ADAMTS16: variants seen among roughly 807,000 people sequenced by gnomAD.
The protein encoded by ADAMTS16 is A disintegrin and metalloproteinase with thrombospondin motifs 16.
ADAMTS16 carries 94 observed loss-of-function variants against 145.8 expected under a neutral mutation model. That is an observed-to-expected ratio of 0.64 (90% CI 0.55 to 0.77). ADAMTS16 has a LOEUF of 0.77. Ranked by LOEUF, ADAMTS16 falls within the 30% of genes least tolerant of loss-of-function variation. ADAMTS16 has a pLI of 0.00. For synonymous variants in ADAMTS16, 659 were observed against 604.3 expected (o/e 1.09, Z -1.33); for missense variants, 1,585 against 1,591.5 (o/e 1.00, Z 0.07).
chr5:5,311,311 A>C (rs555389325), intron 21 of ADAMTS16, among the ~76,000 whole-genome samples: 1,883 of 99,548 alleles, frequency 0.019, 52 homozygotes, highest in African/African-American at 0.066. Context: ...AAAAAAAAAA[A>C]AAAAAACAAA....
intron 18 of ADAMTS16, among the ~76,000 whole-genome samples, chr5:5,297,472 A>G (rs1739590727): frequency 6.6e-6 from 1 of 152,012 alleles, no homozygotes; most frequent in Non-Finnish European, 1.5e-5. Context: ...TGCAGAGGAA[A>G]CCCTCAGATG....
chr5:5,305,541 TACACAC>T (rs113675807), intron 20 of ADAMTS16, among the ~76,000 whole-genome samples: 1 of 115,528 alleles, frequency 8.7e-6, no homozygotes, highest in Non-Finnish European at 1.9e-5. Context: ...TCCCACACCA[TACACAC>T]ACACACACAC....
chr5:5,319,234 A>G lies in ADAMTS16; in HGVS notation c.*96A>G, dbSNP rs567034699. ...ATCTACGTCGGAATACATCCAAGGA[A>G]GAGCAAAGCCAAAAGAAGAAAACCG... On this transcript the variant is annotated 3_prime_UTR_variant, in exon 23 of 23. Coordinates refer to ENST00000274181, the MANE Select transcript of ADAMTS16 (RefSeq NM_139056.4). 6.6e-6 allele frequency: 6 copies of G among 909,874 alleles called. No individual in the cohort carries two copies. In the East Asian group the frequency reaches 1.6e-4, roughly 24 times the overall value. 56.4% of individuals were successfully genotyped at this position (909,874 alleles called of 1,614,324 possible).
intron 11 of ADAMTS16, 57 bp downstream of exon 11, chr5:5,222,941 G>A: frequency 2.0e-6 from 3 of 1,512,146 alleles, no homozygotes; most frequent in Non-Finnish European, 2.8e-6. Flanking sequence ...TTCAACCCAT[G>A]CATCTTTGCT....
At chr5:5,200,888 G>C (rs781542322) in intron 9 of ADAMTS16, among the ~76,000 whole-genome samples, 9 of 152,028 alleles carry the variant, frequency 5.9e-5, no homozygotes, top group Non-Finnish European at 8.8e-5. Flanking sequence ...GGGGAGGTAG[G>C]GTTTGATCCT....
At chr5:5,297,868 TC>T (rs1479368987) in intron 18 of ADAMTS16, among the ~76,000 whole-genome samples, 6 of 152,214 alleles carry the variant, frequency 3.9e-5, no homozygotes, top group Non-Finnish European at 8.8e-5. Context: ...TGTAAATCTC[TC>T]CTTGGGTTTC....
intron 8 of ADAMTS16, among the ~76,000 whole-genome samples, chr5:5,196,036 G>A (rs556424869): frequency 2.6e-5 from 4 of 152,116 alleles, no homozygotes; most frequent in Admixed American, 6.5e-5. Flanking sequence ...GACCAGCCTG[G>A]CCAAGATGGC....
chr5:5,258,146 T>A (rs1446828444), intron 17 of ADAMTS16, among the ~76,000 whole-genome samples: 2 of 152,160 alleles, frequency 1.3e-5, no homozygotes, highest in Non-Finnish European at 2.9e-5. Flanking sequence ...TTGAATGACA[T>A]CGGAATGATT....
chr5:5,244,078 T>C (rs183369076), intron 17 of ADAMTS16, among the ~76,000 whole-genome samples: 48 of 152,344 alleles, frequency 3.2e-4, no homozygotes, highest in Admixed American at 3.0e-3. Flanking sequence ...TCCCACATTC[T>C]GTAGGATAAT....
In ADAMTS16 at chr5:5,320,083, A is replaced by AT; in HGVS notation, c.*945_*946insT. 4.2e-6 allele frequency: 1 copy of AT among 238,926 alleles called. No homozygotes were observed. The allele number at this position is 238,926 out of a possible 1,614,324, so 14.8% of individuals were successfully genotyped here. On this transcript the variant is annotated 3_prime_UTR_variant, in exon 23 of 23. Coordinates refer to ENST00000274181, the MANE Select transcript of ADAMTS16 (RefSeq NM_139056.4). This position sits in a 1 kb window ranked among gnomAD's most constrained non-coding sequence, Gnocchi z 5.1. ...TTGTTTTTGTGTGTTGTGAGATTTT[A>AT]ATCTTTTTTTTTTCGGTGAGTCTGG... is the stretch of plus-strand genomic sequence containing the variant.
At chr5:5,166,243 TCACACACACA>T (rs141620778) in intron 3 of ADAMTS16, among the ~76,000 whole-genome samples, 1 of 149,556 alleles carries the variant, frequency 6.7e-6, no homozygotes, top group African/African-American at 2.5e-5. Flanking sequence ...CCACTCACCA[TCACACACACA>T]CACACACACA....
rs1734292555 is a variant in ADAMTS16, at chr5:5,146,262, G to GC, written c.309dup (p.Ser104LeufsTer31). On this transcript the variant is annotated frameshift_variant, in exon 3 of 23. Transcript: ENST00000274181. LOFTEE classifies it high-confidence loss of function. ...GAGTCTCTTCACCTTCGGCTGAAAG[G>GC]CTCCAGGCACGACTTCCACATGGAT... 6.2e-7 allele frequency: 1 copy of GC among 1,614,184 alleles called. No homozygotes were observed. The highest frequency in any genetic ancestry group is 8.5e-7 in the Non-Finnish European group (1 of 1,180,032).
At chr5:5,168,085 G>A (rs894460945) in intron 3 of ADAMTS16, among the ~76,000 whole-genome samples, 8 of 152,082 alleles carry the variant, frequency 5.3e-5, no homozygotes, top group East Asian at 1.9e-4. Context: ...ATTGAAAAGC[G>A]TAACAAATAT....
Position 5,237,070 on chromosome 5 carries a change from C to G in ADAMTS16, c.2125C>G (p.Arg709Gly), listed in dbSNP as rs1224232723. The change falls in exon 14 of 23, where the codon CGT (arginine) becomes GGT (glycine). Residue 709 changes from arginine to glycine, a missense_variant. By Grantham distance (125) the Arg-to-Gly change is moderately radical (BLOSUM62 -2). Coordinates refer to ENST00000274181, the MANE Select transcript of ADAMTS16 (RefSeq NM_139056.4). The stretch of plus-strand genomic sequence containing the variant: ...TGGGACTCCATGCTCGGAGGATAGC[C>G]GTAATGTTTGTATAGATGGGATATG... ...KDGTPCSEDSRNVCIDGICER... is the reference protein window; with the variant it reads ...KDGTPCSEDSGNVCIDGICER... The G allele has an allele frequency of 2.5e-6, 4 of 1,613,784 alleles. No homozygotes were observed. Among genetic ancestry groups the G allele is most frequent in the East Asian group, 2.2e-5 (1 of 44,886 alleles).
chr5:5,279,969 TTTC>T (rs750148310), intron 18 of ADAMTS16, among the ~76,000 whole-genome samples: 3 of 138,962 alleles, frequency 2.2e-5, no homozygotes, highest in African/African-American at 7.7e-5. Context: ...TCTTTCCTTC[TTTC>T]TTTTTTTCTT....
intron 3 of ADAMTS16, among the ~76,000 whole-genome samples, chr5:5,152,331 G>T (rs1179192676): frequency 6.6e-6 from 1 of 152,180 alleles, no homozygotes; most frequent in Non-Finnish European, 1.5e-5. Context: ...GTCTTCCCTG[G>T]TTGTGCTTCC....
At chr5:5,212,318 C>T (rs1018817512) in intron 10 of ADAMTS16, among the ~76,000 whole-genome samples, 11 of 151,860 alleles carry the variant, frequency 7.2e-5, no homozygotes, top group Non-Finnish European at 1.6e-4. Context: ...CGCCATTCTC[C>T]TGCCTCAGCC....
intron 10 of ADAMTS16, among the ~76,000 whole-genome samples, chr5:5,209,487 T>G (rs990598900): frequency 6.6e-6 from 1 of 152,202 alleles, no homozygotes; most frequent in African/African-American, 2.4e-5. Context: ...GTTGGATCTT[T>G]CTTTCTGATT....
At chr5:5,257,489 T>TGTAATGCAAATTGCGAC (rs1264385832) in intron 17 of ADAMTS16, among the ~76,000 whole-genome samples, 10 of 152,134 alleles carry the variant, frequency 6.6e-5, no homozygotes, top group Non-Finnish European at 8.8e-5. Context: ...CAAACTGGGA[T>TGTAATGCAAATTGCGAC]GTAATGCAAA....
Sources: gnomAD v4.1 joint callset for allele counts (sites outside exome capture counted in the v4.1 genomes callset) on GRCh38, gnomAD v4.1.1 for gene constraint, Gnocchi (gnomAD v3.1) non-coding constraint, MANE v1.5 for transcripts, NCBI Gene and HGNC (gene_info 2026-07-23, HGNC 2026-07-21) for gene names.